Variants in NBPF12 observed in about 807,000 individuals in gnomAD.
The protein encoded by NBPF12 is NBPF member 12.
Under a neutral mutation model 146.4 loss-of-function variants are expected in NBPF12, and 115 were observed. The ratio of observed to expected loss-of-function variants is 0.79; its 90% CI spans 0.68 to 0.92. NBPF12 has a LOEUF of 0.92. Among genes scored for constraint, NBPF12 ranks in the 40% least tolerant of loss-of-function variants. NBPF12 has a pLI of 0.00. For synonymous variants in NBPF12, 385 were observed against 508.9 expected (o/e 0.76, Z 3.28); for missense variants, 1,205 against 1,326.8 (o/e 0.91, Z 1.43).
At chr1:146,970,221 G>T (rs1403457819) in intron 11 of NBPF12, among the ~76,000 whole-genome samples, 2 of 150,298 alleles carry the variant, frequency 1.3e-5, no homozygotes, top group African/African-American at 5.0e-5. Context: ...CACATGGAGG[G>T]CCTGTGCAGT....
In NBPF12 at chr1:146,965,750, G is replaced by C. The variant is rs1330520568; in HGVS notation, c.778+646G>C. Among the ~76,000 whole-genome samples, 495 of 127,746 alleles carry C rather than the reference G, an allele frequency of 3.9e-3. 2 individuals are homozygous for C. The Middle Eastern group carries it at 0.039, about 10-fold the overall frequency. 83.8% of individuals were successfully genotyped at this position (127,746 alleles called of 152,430 possible). A position where few individuals can be genotyped will look rare whatever the true frequency, so the allele number is the denominator to read the frequency against. Reference sequence around the variant, plus strand: ...GATCTTGCAGTGAGCCGAGATTGTGGCACTGCACTCCAGCCTGGGAGACAG... The same window carrying C: ...GATCTTGCAGTGAGCCGAGATTGTGCCACTGCACTCCAGCCTGGGAGACAG... On this transcript the variant is annotated intron_variant, in intron 8 of 33. Coordinates refer to ENST00000617844, the Ensembl canonical transcript of NBPF12.
chr1:146,938,548 A>G (rs1654635951), upstream of NBPF12, among the ~76,000 whole-genome samples: 2 of 151,596 alleles, frequency 1.3e-5, no homozygotes, highest in East Asian at 3.9e-4. Flanking sequence ...GTCCTCCATT[A>G]CTCGTTTTCT....
upstream of NBPF12, among the ~76,000 whole-genome samples, chr1:146,946,227 A>T (rs1655059210): frequency 1.3e-5 from 2 of 151,256 alleles, no homozygotes; most frequent in African/African-American, 4.9e-5. Flanking sequence ...TTTGACAATT[A>T]TGATAAAATT....
intron 2 of NBPF12, among the ~76,000 whole-genome samples, chr1:146,953,488 C>T (rs1476135379): frequency 5.2e-5 from 7 of 135,280 alleles, no homozygotes; most frequent in South Asian, 2.6e-4. Flanking sequence ...GGATTACAGG[C>T]GTGAGCCACC....
At chr1:146,989,313 G>A (rs1657994300) in intron 27 of NBPF12, among the ~76,000 whole-genome samples, 1 of 146,190 alleles carries the variant, frequency 6.8e-6, no homozygotes, top group Middle Eastern at 3.2e-3. Flanking sequence ...ATGTCACCTG[G>A]CCAATTCACT....
Position 146,966,685 on chromosome 1 carries a change from A to T in NBPF12, c.988+12A>T, listed in dbSNP as rs1656233808. 5 of 1,266,822 alleles carry T rather than the reference A, an allele frequency of 3.9e-6. No individual in the cohort carries two copies. The highest frequency in any genetic ancestry group is 5.8e-6 in the Non-Finnish European group (5 of 865,390). 78.5% of individuals were successfully genotyped at this position (1,266,822 alleles called of 1,614,324 possible). A position where few individuals can be genotyped will look rare whatever the true frequency, so the allele number is the denominator to read the frequency against. ...GCAGAACAAATACAGTAAGATCTAC[A>T]GGCTCACCATCACGAAAGTGATGAA... On this transcript the variant is annotated intron_variant, in intron 9 of 33. Transcript: ENST00000617844.
chr1:146,966,551 T>C, exon 9 of NBPF12: 2 of 1,417,652 alleles, frequency 1.4e-6, no homozygotes, highest in South Asian at 2.3e-5. Context: ...ATGAACATTC[T>C]AGAAATCAAT....
intron 9 of NBPF12, among the ~76,000 whole-genome samples, chr1:146,967,560 G>A (rs1270247376): frequency 6.7e-6 from 1 of 150,012 alleles, no homozygotes; most frequent in Non-Finnish European, 1.5e-5. Context: ...TGGTGAGAGT[G>A]AAGTCCTGCT....
exon 7 of NBPF12, chr1:146,964,425 C>G: frequency 1.9e-6 from 3 of 1,601,062 alleles, no homozygotes; most frequent in Non-Finnish European, 2.6e-6. Flanking sequence ...ATCATCTGCC[C>G]CCAGGTAACA....
chr1:146,976,361 T>A (rs1657015512), intron 16 of NBPF12, among the ~76,000 whole-genome samples: 2 of 139,730 alleles, frequency 1.4e-5, no homozygotes, highest in African/African-American at 2.8e-5. Flanking sequence ...CACTTACAAC[T>A]GCTTTCCAAA....
At chr1:146,940,165 G>T (rs1476127086) in intron 1 of NBPF12, among the ~76,000 whole-genome samples, 2 of 151,734 alleles carry the variant, frequency 1.3e-5, no homozygotes, top group Non-Finnish European at 2.9e-5. Context: ...TTTTGTTTTT[G>T]AATTTAATTA....
At position 146,964,364 on chromosome 1, in the gene NBPF12, T is replaced by C. The variant is rs1553885236; in HGVS notation, c.501T>C (p.Asp167=). The change falls in exon 7 of 34, where the codon GAT becomes GAC. Residue 167 remains aspartate, a synonymous_variant. Coordinates refer to ENST00000617844, the Ensembl canonical transcript of NBPF12. ...AACATTTTGTATTTATAGAAAATGA[T>C]GAAGATGAGGATGAAGATGTTCAAG... The C allele has an allele frequency of 1.2e-3, 1,894 of 1,588,516 alleles. 50 individuals are homozygous for C. In the African/African-American group the frequency reaches 0.021, roughly 17 times the overall value.
intron 10 of NBPF12, among the ~76,000 whole-genome samples, chr1:146,969,147 AG>A (rs1656411250): frequency 6.6e-6 from 1 of 150,486 alleles, no homozygotes. Flanking sequence ...TGTTTACAGA[AG>A]GGAAAGATGA....
intron 19 of NBPF12, among the ~76,000 whole-genome samples, chr1:146,980,547 A>G (rs1199353459): frequency 1.3e-5 from 2 of 151,696 alleles, no homozygotes; most frequent in African/African-American, 2.4e-5. Flanking sequence ...TTCTCTGTAA[A>G]GGATTTATTT....
At position 146,952,434 on chromosome 1, in the gene NBPF12, C is replaced by T. The variant is rs1553883980; in HGVS notation, c.-184+945C>T. On this transcript the variant is annotated intron_variant, in intron 2 of 33. Coordinates refer to ENST00000617844, the Ensembl canonical transcript of NBPF12. ...AGCGAGGCTGTACCAGCCCCAATGCCGTGTAGCACTTTATGTCAAATTAGA... is the reference window on the plus strand; with the variant it reads ...AGCGAGGCTGTACCAGCCCCAATGCTGTGTAGCACTTTATGTCAAATTAGA... Among the ~76,000 whole-genome samples, 11 of 152,148 alleles carry T rather than the reference C, an allele frequency of 7.2e-5. No individual in the cohort carries two copies. In the East Asian group the frequency reaches 1.2e-3, roughly 16 times the overall value.
intron 11 of NBPF12, among the ~76,000 whole-genome samples, chr1:146,970,069 G>A (rs1295606092): frequency 1.7e-4 from 26 of 149,866 alleles, no homozygotes; most frequent in African/African-American, 3.0e-4. Context: ...GAACACTTAC[G>A]AATGCTTTTC....
chr1:146,970,866 T>A, intron 12 of NBPF12, 147 bp downstream of exon 15: 2 of 978,450 alleles, frequency 2.0e-6, no homozygotes, highest in South Asian at 2.6e-5. Context: ...AGACACAGGG[T>A]GTGGCAGCTG....
chr1:146,989,147 G>C (rs1432281491), intron 27 of NBPF12, among the ~76,000 whole-genome samples, 198 bp downstream of exon 30: 48 of 104,616 alleles, frequency 4.6e-4, no homozygotes, highest in African/African-American at 1.6e-3. Context: ...ACGTACCATA[G>C]GTTGACCATA....
rs1226582887 is a variant in NBPF12, at chr1:146,966,972, T to C, written c.988+299T>C. Among the ~76,000 whole-genome samples, 18 of 150,938 alleles carry C rather than the reference T, an allele frequency of 1.2e-4. No homozygotes were observed. The South Asian group carries it at 3.7e-3, about 31-fold the overall frequency. ...AGAGGCTCAATCGTGTTTTCAAGAA[T>C]CCTCTCTGTGCCACATAAGATCCTG... On this transcript the variant is annotated intron_variant, in intron 9 of 33. Transcript: ENST00000617844.
Sources: gnomAD v4.1 joint callset for allele counts (sites outside exome capture counted in the v4.1 genomes callset) on GRCh38, gnomAD v4.1.1 for gene constraint, MANE v1.5 for transcripts, NCBI Gene and HGNC (gene_info 2026-07-23, HGNC 2026-07-21) for gene names.